Variants in TAFA1 observed in about 807,000 individuals in gnomAD.
TAFA1 encodes chemokine-like protein TAFA-1.
In TAFA1, 4 loss-of-function variants were observed where a neutral mutation model predicts 18.5. That is an observed-to-expected ratio of 0.22 (90% CI 0.11 to 0.49). TAFA1 has a LOEUF of 0.49. TAFA1 is among the 20% of genes least tolerant of loss of function. The probability of loss-of-function intolerance (pLI) is 0.98; values close to 1 mark genes in which losing one functional copy is unlikely to be tolerated. For synonymous variants in TAFA1, 56 were observed against 55.2 expected (o/e 1.01, Z -0.06); for missense variants, 147 against 169.0 (o/e 0.87, Z 0.72).
At chr3:68,388,461 A>C (rs2070153405) in intron 2 of TAFA1, among the ~76,000 whole-genome samples, 1 of 152,046 alleles carries the variant, frequency 6.6e-6, no homozygotes, top group South Asian at 2.1e-4. Flanking sequence ...GCCTATTTTC[A>C]TCTATATTTT....
chr3:68,346,981 TC>T lies in TAFA1; in HGVS notation c.119-70296del, dbSNP rs1206867952. Among the ~76,000 whole-genome samples the T allele has an allele frequency of 2.6e-5, 4 of 152,198 alleles. No homozygotes were observed. The East Asian group carries it at 7.7e-4, about 29-fold the overall frequency. On this transcript the variant is annotated intron_variant, in intron 2 of 4. Coordinates refer to ENST00000478136, the MANE Select transcript of TAFA1 (RefSeq NM_213609.4). The stretch of plus-strand genomic sequence containing the variant: ...TCTTTCTATGAGGGAACTAGTTCCA[TC>T]CCTTTTCTCAGAAGGTTCTTTTGCA...
intron 3 of TAFA1, among the ~76,000 whole-genome samples, chr3:68,499,446 C>CTTTTTTTTTTTTT (rs752597708): frequency 8.9e-6 from 1 of 112,176 alleles, no homozygotes; most frequent in Non-Finnish European, 1.9e-5. Context: ...GTGTTCCTTT[C>CTTTTTTTTTTTTT]TTTTTTTTTT....
chr3:68,041,113 A>G (rs1267463463), intron 2 of TAFA1, among the ~76,000 whole-genome samples: 2 of 152,246 alleles, frequency 1.3e-5, no homozygotes, highest in Non-Finnish European at 2.9e-5. Flanking sequence ...GCTAATAATT[A>G]TAAAGGCATG....
chr3:68,362,924 C>A (rs897008334), intron 2 of TAFA1, among the ~76,000 whole-genome samples: 17 of 128,646 alleles, frequency 1.3e-4, no homozygotes, highest in African/African-American at 4.7e-4. Context: ...ACCTTAATCC[C>A]AAATTAGATT....
At chr3:68,101,654 A>G (rs1355145407) in intron 2 of TAFA1, among the ~76,000 whole-genome samples, 3 of 152,176 alleles carry the variant, frequency 2.0e-5, no homozygotes, top group Non-Finnish European at 2.9e-5. Flanking sequence ...CTAAAAAGCA[A>G]TACTTCCCAT....
At chr3:68,232,660 C>T (rs1310513841) in intron 2 of TAFA1, among the ~76,000 whole-genome samples, 1 of 151,886 alleles carries the variant, frequency 6.6e-6, no homozygotes, top group Non-Finnish European at 1.5e-5. Context: ...GGCTGGAGTA[C>T]ATTGATACAA....
intron 3 of TAFA1, among the ~76,000 whole-genome samples, chr3:68,439,398 AATATATATACATACATATATATAT>A (rs2071325314): frequency 1.6e-5 from 1 of 63,112 alleles, no homozygotes; most frequent in Non-Finnish European, 2.9e-5. Context: ...GAAGTAATAG[AATATATATACATACATATATATAT>A]ATATATATAT....
intron 2 of TAFA1, among the ~76,000 whole-genome samples, chr3:68,122,320 G>A (rs747126361): frequency 2.7e-4 from 41 of 152,126 alleles, no homozygotes; most frequent in Non-Finnish European, 4.9e-4. Context: ...ACTAGGAGAA[G>A]TGACCCCTGC....
rs764509601 is a variant in TAFA1 at position 68,135,275 on chromosome 3, T to C, written c.118+128531T>C. 4.3e-4 allele frequency among the ~76,000 whole-genome samples: 66 copies of C among 152,192 alleles called. 1 individual carries two copies. The highest frequency in any genetic ancestry group is 7.3e-5 in the Non-Finnish European group (5 of 68,048). Reference sequence around the variant, plus strand: ...AGAGGAAGGGAAAATCGATTTCAGGTAGTCATCAAACAACATCTACTGTAA... The same window carrying C: ...AGAGGAAGGGAAAATCGATTTCAGGCAGTCATCAAACAACATCTACTGTAA... On this transcript the variant is annotated intron_variant, in intron 2 of 4. Transcript: ENST00000478136.
At chr3:68,534,925 G>A (rs1294237132) in intron 3 of TAFA1, among the ~76,000 whole-genome samples, 1 of 152,036 alleles carries the variant, frequency 6.6e-6, no homozygotes, top group Non-Finnish European at 1.5e-5. Context: ...ACTGGCGGAT[G>A]TGCATTATTC....
chr3:68,082,456 T>C (rs1278956821), intron 2 of TAFA1, among the ~76,000 whole-genome samples: 1 of 152,240 alleles, frequency 6.6e-6, no homozygotes, highest in Non-Finnish European at 1.5e-5. Context: ...TGCTGTCTGA[T>C]AGACATGAGG....
intron 2 of TAFA1, among the ~76,000 whole-genome samples, chr3:68,292,422 A>C (rs201022158): frequency 9.1e-6 from 1 of 109,696 alleles, no homozygotes; most frequent in Non-Finnish European, 2.0e-5. Context: ...AAAAAAAAAA[A>C]ACAAAAAAAA....
intron 2 of TAFA1, among the ~76,000 whole-genome samples, chr3:68,321,951 C>T (rs999177925): frequency 2.0e-5 from 3 of 152,322 alleles, no homozygotes; most frequent in African/African-American, 4.8e-5. Context: ...AAAAGAAGTT[C>T]CCATGCATTT....
At chr3:68,474,621 A>T (rs1297316306) in intron 3 of TAFA1, among the ~76,000 whole-genome samples, 9 of 152,226 alleles carry the variant, frequency 5.9e-5, no homozygotes, top group Admixed American at 3.3e-4. Flanking sequence ...TTTACGTGAG[A>T]GTATAGCAGG....
intron 2 of TAFA1, among the ~76,000 whole-genome samples, chr3:68,276,165 A>T (rs545559282): frequency 2.6e-5 from 4 of 152,250 alleles, no homozygotes; most frequent in African/African-American, 9.6e-5. Context: ...ACTAAAAAAA[A>T]AAACCCAGAA....
chr3:68,453,213 G>A (rs532965554), intron 3 of TAFA1, among the ~76,000 whole-genome samples: 3 of 152,148 alleles, frequency 2.0e-5, no homozygotes, highest in Non-Finnish European at 1.5e-5. Context: ...CAAACCCTCT[G>A]TCTTGACAAG....
intron 2 of TAFA1, among the ~76,000 whole-genome samples, chr3:68,059,068 TA>T (rs1026471116): frequency 6.6e-6 from 1 of 152,232 alleles, no homozygotes; most frequent in Non-Finnish European, 1.5e-5. Flanking sequence ...AGCACTTCTT[TA>T]CTGCCTCTTC....
At chr3:68,268,380 C>T (rs1039043008) in intron 2 of TAFA1, among the ~76,000 whole-genome samples, 2 of 152,064 alleles carry the variant, frequency 1.3e-5, no homozygotes, top group Admixed American at 6.6e-5. Flanking sequence ...AGACCAAAAA[C>T]GTGTGGCCCC....
chr3:68,394,393 T>A (rs1468361030), intron 2 of TAFA1, among the ~76,000 whole-genome samples: 2 of 152,170 alleles, frequency 1.3e-5, no homozygotes, highest in African/African-American at 4.8e-5. Context: ...AATTTATAGA[T>A]TCAATGCTAT....
Sources: allele counts gnomAD v4.1 joint callset (sites outside exome capture counted in the v4.1 genomes callset), GRCh38; gene constraint gnomAD v4.1.1; transcripts MANE v1.5; gene names NCBI Gene and HGNC (gene_info 2026-07-23, HGNC 2026-07-21).